STAU2: variants seen among roughly 807,000 people sequenced by gnomAD.
STAU2 encodes staufen double-stranded RNA binding protein 2.
STAU2 carries 20 observed loss-of-function variants against 65.9 expected under a neutral mutation model. That is an observed-to-expected ratio of 0.30 (90% CI 0.21 to 0.44). STAU2 has a LOEUF of 0.44. STAU2 is among the 20% of genes least tolerant of loss of function. The pLI is 1.00. For synonymous variants in STAU2, 232 were observed against 233.9 expected (o/e 0.99, Z 0.07); for missense variants, 558 against 683.9 (o/e 0.82, Z 2.05).
chr8:73,595,782 G>A (rs1811137425), intron 10 of STAU2, among the ~76,000 whole-genome samples: 1 of 152,058 alleles, frequency 6.6e-6, no homozygotes, highest in Non-Finnish European at 1.5e-5. Flanking sequence ...AGTTCCTGAA[G>A]AGAATTAATA....
chr8:73,665,808 CT>C (rs1817193474), intron 6 of STAU2, among the ~76,000 whole-genome samples: 1 of 152,038 alleles, frequency 6.6e-6, no homozygotes, highest in African/African-American at 2.4e-5. Flanking sequence ...GCTCAAGCCC[CT>C]GATATAAAAT....
chr8:73,638,376 T>C (rs1186188697), intron 6 of STAU2, among the ~76,000 whole-genome samples: 1 of 142,556 alleles, frequency 7.0e-6, no homozygotes, highest in Non-Finnish European at 1.5e-5. Context: ...TAGCTATTTC[T>C]ATCCCAACAG....
chr8:73,635,894 A>G (rs1011345414), intron 6 of STAU2, among the ~76,000 whole-genome samples: 1 of 143,630 alleles, frequency 7.0e-6, no homozygotes, highest in Non-Finnish European at 1.5e-5. Flanking sequence ...TCGAATCTCT[A>G]TCTGACCCCT....
chr8:73,717,320 GTA>G (rs1269143488), intron 3 of STAU2, among the ~76,000 whole-genome samples: 1 of 146,922 alleles, frequency 6.8e-6, no homozygotes, highest in Non-Finnish European at 1.5e-5. Flanking sequence ...TACTTTTAAT[GTA>G]TATCTAAAAA....
intron 4 of STAU2, among the ~76,000 whole-genome samples, chr8:73,690,328 CAA>C (rs56744849): frequency 4.1e-4 from 24 of 58,222 alleles, no homozygotes; most frequent in Non-Finnish European, 6.3e-4. Flanking sequence ...GACTCTGTCT[CAA>C]AAAAAAAAAA....
At position 73,702,477 on chromosome 8, in the gene STAU2, G is replaced by A. The variant is rs138797075; in HGVS notation, c.114+6555C>T. 1.7e-3 allele frequency among the ~76,000 whole-genome samples: 266 copies of A among 152,044 alleles called. 4 individuals carry two copies. Among genetic ancestry groups the A allele is most frequent in the South Asian group, 0.011 (51 of 4,818 alleles). On this transcript the variant is annotated intron_variant, in intron 4 of 14. Coordinates refer to ENST00000524300, the MANE Select transcript of STAU2 (RefSeq NM_001164380.2). Reference sequence around the variant, plus strand: ...TTGGTACATGCAACATACCAAATACGTTGTATGCATTGGGTATACCAAAAT... The same window carrying A: ...TTGGTACATGCAACATACCAAATACATTGTATGCATTGGGTATACCAAAAT...
chr8:73,675,496 T>C (rs1490368721), intron 5 of STAU2: 1 of 152,102 alleles, frequency 6.6e-6, no homozygotes, highest in East Asian at 1.9e-4. Context: ...AAGCCTGGCA[T>C]ACTCCTCACC....
intron 13 of STAU2, among the ~76,000 whole-genome samples, chr8:73,432,545 T>C (rs927496606): frequency 3.3e-5 from 5 of 152,208 alleles, no homozygotes; most frequent in Admixed American, 6.5e-5. Context: ...TCTTTTTATA[T>C]AAAATAAGAG....
chr8:73,428,124 C>T (rs1036545996), intron 13 of STAU2, among the ~76,000 whole-genome samples: 1 of 152,190 alleles, frequency 6.6e-6, no homozygotes, highest in Non-Finnish European at 1.5e-5. Context: ...CTATCATTTT[C>T]CCATTCCACC....
At chr8:73,547,243 A>G (rs190777373) in intron 13 of STAU2, among the ~76,000 whole-genome samples, 10 of 152,326 alleles carry the variant, frequency 6.6e-5, no homozygotes, top group East Asian at 3.9e-4. Flanking sequence ...TAGTTTACGC[A>G]GTAATAATGG....
rs182288848 is a variant in STAU2 at position 73,706,498 on chromosome 8, G to A, written c.114+2534C>T. On this transcript the variant is annotated intron_variant, in intron 4 of 14. Transcript: ENST00000524300. ...TTAATTTCATTAAAATACATTTTAT[G>A]TCTCACCTAAAGGCCACTGATAGAC... Among the ~76,000 whole-genome samples, 83 of 152,184 alleles carry A rather than the reference G, an allele frequency of 5.5e-4. 1 individual carries two copies. The highest frequency in any genetic ancestry group is 1.8e-3 in the African/African-American group (76 of 41,530).
intron 13 of STAU2, among the ~76,000 whole-genome samples, chr8:73,455,084 G>T (rs1435174929): frequency 6.6e-6 from 1 of 152,148 alleles, no homozygotes; most frequent in East Asian, 1.9e-4. Context: ...CATGACCCTA[G>T]AATTCTACCA....
intron 10 of STAU2, 66 bp downstream of exon 10, chr8:73,603,660 C>T: frequency 6.4e-7 from 1 of 1,553,802 alleles, no homozygotes; most frequent in Non-Finnish European, 8.7e-7. Context: ...TTGCCTTTCG[C>T]CCAAATGCCT....
At chr8:73,720,869 A>G (rs1317966960) in intron 3 of STAU2, among the ~76,000 whole-genome samples, 1 of 151,896 alleles carries the variant, frequency 6.6e-6, no homozygotes, top group Non-Finnish European at 1.5e-5. Flanking sequence ...GATTACTTAT[A>G]TTTTTTAATT....
chr8:73,558,498 T>A (rs548033510), intron 12 of STAU2, among the ~76,000 whole-genome samples: 4 of 152,336 alleles, frequency 2.6e-5, no homozygotes, highest in Admixed American at 2.6e-4. Context: ...CAGTTCTTAC[T>A]GAAGAGTTGA....
chr8:73,550,355 G>T (rs931073519), intron 13 of STAU2: 86 of 983,490 alleles, frequency 8.7e-5, no homozygotes, highest in Non-Finnish European at 9.3e-5. Flanking sequence ...TATTGTCATT[G>T]CCAAGAGCTT....
intron 13 of STAU2, among the ~76,000 whole-genome samples, chr8:73,526,251 A>G (rs1046118551): frequency 1.3e-5 from 2 of 152,190 alleles, no homozygotes; most frequent in African/African-American, 4.8e-5. Context: ...AAGTAACAGA[A>G]TCCATCCAGG....
intron 9 of STAU2, among the ~76,000 whole-genome samples, chr8:73,604,803 CAG>C (rs1811894520): frequency 6.6e-6 from 1 of 152,052 alleles, no homozygotes; most frequent in Non-Finnish European, 1.5e-5. Flanking sequence ...TGGGGAGTAA[CAG>C]AAACTCTTAT....
At chr8:73,686,548 CAAA>C (rs111707785) in intron 5 of STAU2, among the ~76,000 whole-genome samples, 1 of 97,856 alleles carries the variant, frequency 1.0e-5, no homozygotes, top group African/African-American at 3.7e-5. Context: ...GACTCCCCCT[CAAA>C]AAAAAAAAAA....
Sources: gnomAD v4.1 joint callset for allele counts (sites outside exome capture counted in the v4.1 genomes callset) on GRCh38, gnomAD v4.1.1 for gene constraint, MANE v1.5 for transcripts, NCBI Gene and HGNC (gene_info 2026-07-23, HGNC 2026-07-21) for gene names.